Variants in SNTG2 observed in about 807,000 individuals in gnomAD.
The protein encoded by SNTG2 is gamma-2-syntrophin.
SNTG2 carries 74 observed loss-of-function variants against 70.9 expected under a neutral mutation model. That is an observed-to-expected ratio of 1.04 (90% CI 0.86 to 1.27). The LOEUF (loss-of-function observed/expected upper bound fraction) is 1.27, where lower values mean the gene tolerates loss of function less well. Ranked by LOEUF, SNTG2 falls within the 50% of genes most tolerant of loss-of-function variation. The probability of loss-of-function intolerance (pLI) is 0.00; values close to 1 mark genes in which losing one functional copy is unlikely to be tolerated. For missense variants in SNTG2, 717 were observed against 690.7 expected, an observed-to-expected ratio of 1.04 and a Z score of -0.43; for synonymous variants, 278 against 273.8, an observed-to-expected ratio of 1.02 and a Z score of -0.15.
intron 1 of SNTG2, among the ~76,000 whole-genome samples, chr2:985,045 A>G (rs1046131776): frequency 2.6e-5 from 4 of 152,162 alleles, no homozygotes; most frequent in Non-Finnish European, 5.9e-5. Flanking sequence ...TTTTTCCCCA[A>G]AAACAATCAC....
At chr2:1,254,879 C>T (rs1051042852) in intron 12 of SNTG2, among the ~76,000 whole-genome samples, 1 of 152,178 alleles carries the variant, frequency 6.6e-6, no homozygotes, top group African/African-American at 2.4e-5. Context: ...TGTTTCCTTG[C>T]CCTGGTGTTA....
At chr2:990,738 G>A (rs900784342) in intron 1 of SNTG2, among the ~76,000 whole-genome samples, 12 of 151,920 alleles carry the variant, frequency 7.9e-5, no homozygotes, top group African/African-American at 2.9e-4. Context: ...TATTGAACCT[G>A]GAGAGAAAGC....
chr2:1,132,761 C>T (rs944716439), intron 4 of SNTG2, among the ~76,000 whole-genome samples: 3 of 152,116 alleles, frequency 2.0e-5, no homozygotes, highest in African/African-American at 4.8e-5. Flanking sequence ...GTACATGATA[C>T]GATCCATTAA....
In SNTG2 at chr2:1,367,570, G is replaced by A; in HGVS notation, c.*96G>A. On this transcript the variant is annotated 3_prime_UTR_variant, in exon 17 of 17. Transcript: ENST00000308624. ...GCAACTTTGTGTTGTTTTATGATGA[G>A]CCTATAGTTGTGATACCAATAAAAC... 2 of 1,405,834 alleles carry A rather than the reference G, an allele frequency of 1.4e-6. No homozygotes were observed. The highest frequency in any genetic ancestry group is 2.5e-5 in the East Asian group (1 of 39,366). The allele number at this position is 1,405,834 out of a possible 1,614,324, so 87.1% of individuals were successfully genotyped here. A position where few individuals can be genotyped will look rare whatever the true frequency, so the allele number is the denominator to read the frequency against.
chr2:1,275,629 A>C (rs1428200154), intron 14 of SNTG2, among the ~76,000 whole-genome samples: 1 of 151,934 alleles, frequency 6.6e-6, no homozygotes, highest in Non-Finnish European at 1.5e-5. Flanking sequence ...GGGCCTCCTC[A>C]TTCCACGAGA....
intron 8 of SNTG2, among the ~76,000 whole-genome samples, chr2:1,176,396 C>T (rs1671479239): frequency 8.0e-6 from 1 of 125,296 alleles, no homozygotes; most frequent in East Asian, 3.7e-4. Context: ...TAACAAGCCC[C>T]CATAACACAA....
In SNTG2 at chr2:955,916, C is replaced by G. The variant is rs567804050; in HGVS notation, c.72+4848C>G. On this transcript the variant is annotated intron_variant, in intron 1 of 16. Transcript: ENST00000308624. The stretch of plus-strand genomic sequence containing the variant: ...GCTGGTGCCAGGGAGGCCAAGGGGC[C>G]CACATCTGCCACTGTCTCCGGCCCT... 1.1e-4 allele frequency among the ~76,000 whole-genome samples: 16 copies of G among 152,312 alleles called. No individual in the cohort carries two copies. The East Asian group carries it at 2.3e-3, about 22-fold the overall frequency.
intron 9 of SNTG2, 31 bp downstream of exon 9, chr2:1,209,261 T>A: frequency 1.9e-6 from 3 of 1,613,468 alleles, no homozygotes; most frequent in Non-Finnish European, 2.5e-6. Context: ...ATGGGAAACT[T>A]TGATGAACCC....
intron 4 of SNTG2, among the ~76,000 whole-genome samples, chr2:1,115,228 T>C (rs897213572): frequency 1.4e-5 from 2 of 145,184 alleles, no homozygotes; most frequent in East Asian, 4.6e-4. Flanking sequence ...TTAACCCCTA[T>C]AGTTCTTTGA....
intron 1 of SNTG2, among the ~76,000 whole-genome samples, chr2:1,039,690 G>A (rs781065831): frequency 5.2e-4 from 79 of 152,062 alleles, no homozygotes; most frequent in Non-Finnish European, 8.2e-4. Flanking sequence ...AGTCATAAAA[G>A]ACCTATTTAT....
At chr2:1,137,489 C>T in intron 4 of SNTG2, 133 bp from the exon 5 acceptor site, 1 of 828,924 alleles carries the variant, frequency 1.2e-6, no homozygotes, top group South Asian at 1.6e-5. Flanking sequence ...CACATCTGCT[C>T]ACGTGGACAC....
chr2:1,155,131 C>G (rs1014115765), intron 6 of SNTG2, among the ~76,000 whole-genome samples: 1 of 143,550 alleles, frequency 7.0e-6, no homozygotes. Flanking sequence ...ACATACAACA[C>G]AAACACACAG....
At chr2:1,252,480 T>G (rs1677826389) in intron 12 of SNTG2, among the ~76,000 whole-genome samples, 1 of 152,192 alleles carries the variant, frequency 6.6e-6, no homozygotes, top group Non-Finnish European at 1.5e-5. Context: ...AATGGATCAC[T>G]GGTGTGGAAG....
intron 4 of SNTG2, among the ~76,000 whole-genome samples, chr2:1,112,842 G>T (rs140760614): frequency 0.035 from 5,241 of 151,212 alleles, 464 homozygotes; most frequent in African/African-American, 0.12. Flanking sequence ...TACTAAGTGA[G>T]GTTTAACCCT....
intron 16 of SNTG2, among the ~76,000 whole-genome samples, chr2:1,324,455 GAA>G (rs1000009395): frequency 6.6e-6 from 1 of 151,672 alleles, no homozygotes; most frequent in Admixed American, 6.6e-5. Flanking sequence ...AAGCCAGAAT[GAA>G]AAAAAGAGAA....
intron 8 of SNTG2, among the ~76,000 whole-genome samples, chr2:1,175,349 A>G (rs919406257): frequency 6.6e-6 from 1 of 152,140 alleles, no homozygotes; most frequent in Non-Finnish European, 1.5e-5. Context: ...TTTATAATCA[A>G]TTTGTGTCAT....
At position 1,245,537 on chromosome 2, in the gene SNTG2, T is replaced by C. The variant is rs564399264; in HGVS notation, c.889-1790T>C. 3.9e-5 allele frequency among the ~76,000 whole-genome samples: 6 copies of C among 152,382 alleles called. No individual in the cohort carries two copies. The South Asian group carries it at 1.2e-3, about 32-fold the overall frequency. ...ACAAATCACTGCACTTGTGCAGTAG[T>C]GAGCTGGAATTAATCACGCATTGAA... On this transcript the variant is annotated intron_variant, in intron 11 of 16. Transcript: ENST00000308624.
At chr2:953,522 A>G (rs1414268511) in intron 1 of SNTG2, among the ~76,000 whole-genome samples, 2 of 152,234 alleles carry the variant, frequency 1.3e-5, no homozygotes, top group Non-Finnish European at 2.9e-5. Context: ...GAATTGCTGC[A>G]TGAGATGAAT....
chr2:1,231,346 C>T (rs1482196120), intron 9 of SNTG2, among the ~76,000 whole-genome samples: 4 of 152,096 alleles, frequency 2.6e-5, no homozygotes, highest in South Asian at 2.1e-4. Flanking sequence ...GAAATAGATC[C>T]GAAACGTGAA....
Sources: gnomAD v4.1 joint callset for allele counts (sites outside exome capture counted in the v4.1 genomes callset) on GRCh38, gnomAD v4.1.1 for gene constraint, MANE v1.5 for transcripts, NCBI Gene and HGNC (gene_info 2026-07-23, HGNC 2026-07-21) for gene names.